Variants in TUB observed in about 807,000 individuals in gnomAD.
TUB encodes TUB bipartite transcription factor.
In TUB, 33 loss-of-function variants were observed where a neutral mutation model predicts 59.7. That is an observed-to-expected ratio of 0.55 (90% CI 0.42 to 0.74). The LOEUF (loss-of-function observed/expected upper bound fraction) is 0.74. Among genes scored for constraint, TUB ranks in the 30% least tolerant of loss-of-function variants. The pLI is 0.00. For missense variants in TUB, 659 were observed against 672.0 expected, an observed-to-expected ratio of 0.98 and a Z score of 0.21; for synonymous variants, 293 against 256.4, an observed-to-expected ratio of 1.14 and a Z score of -1.36.
chr11:8,037,042 G>A (rs1256163265), upstream of TUB, among the ~76,000 whole-genome samples: 3 of 152,114 alleles, frequency 2.0e-5, no homozygotes, highest in Non-Finnish European at 4.4e-5. Flanking sequence ...CTGACTGGAG[G>A]GTCTCATTCC....
upstream of TUB, among the ~76,000 whole-genome samples, chr11:8,036,617 T>A (rs1456417688): frequency 1.3e-5 from 2 of 152,162 alleles, no homozygotes; most frequent in Non-Finnish European, 2.9e-5. Flanking sequence ...GAGGGACCGC[T>A]CTGGGAAGAG....
chr11:8,101,696 A>G lies in TUB; in HGVS notation c.*77A>G, dbSNP rs889410888. 80 of 1,563,576 alleles carry G rather than the reference A, an allele frequency of 5.1e-5. No homozygotes were observed. The Middle Eastern group carries it at 1.2e-3, about 23-fold the overall frequency. On this transcript the variant is annotated 3_prime_UTR_variant, in exon 12 of 12. Transcript: ENST00000299506. ...CCTGCCTGTGGAGACAGCCCTGCCT[A>G]TCCTCTGTATATAGGCCTTCCGCCA...
At chr11:8,092,083 T>C (rs1943794012) in intron 3 of TUB, among the ~76,000 whole-genome samples, 1 of 152,244 alleles carries the variant, frequency 6.6e-6, no homozygotes, top group South Asian at 2.1e-4. Flanking sequence ...GTGTTCCAGA[T>C]GATGTCAGGA....
At chr11:8,043,068 C>T (rs918309233) in intron 2 of TUB, among the ~76,000 whole-genome samples, 1 of 151,994 alleles carries the variant, frequency 6.6e-6, no homozygotes, top group Non-Finnish European at 1.5e-5. Flanking sequence ...AGTTTTGGCT[C>T]TTTCATTTAG....
intron 2 of TUB, among the ~76,000 whole-genome samples, chr11:8,043,257 C>T (rs902710888): frequency 9.2e-5 from 14 of 152,130 alleles, no homozygotes; most frequent in African/African-American, 3.1e-4. Context: ...AAGTTTATTT[C>T]TGGGCTCTCA....
chr11:8,073,929 A>G (rs1357072127), intron 2 of TUB, among the ~76,000 whole-genome samples: 2 of 146,864 alleles, frequency 1.4e-5, no homozygotes, highest in African/African-American at 5.1e-5. Context: ...GTTCAGCATC[A>G]TCCTTCCTGC....
intron 2 of TUB, among the ~76,000 whole-genome samples, chr11:8,047,118 G>A (rs1942847203): frequency 6.6e-6 from 1 of 152,052 alleles, no homozygotes; most frequent in African/African-American, 2.4e-5. Context: ...ATATTCTCCA[G>A]CATCGTCTCC....
At chr11:8,087,132 A>C (rs1004293335) in intron 1 of TUB, among the ~76,000 whole-genome samples, 1 of 152,216 alleles carries the variant, frequency 6.6e-6, no homozygotes, top group Non-Finnish European at 1.5e-5. Context: ...TGAGAGCATT[A>C]AAAGGCACTG....
upstream of TUB, among the ~76,000 whole-genome samples, chr11:8,080,411 C>T (rs1943526501): frequency 6.7e-6 from 1 of 148,956 alleles, no homozygotes; most frequent in Admixed American, 6.6e-5. Context: ...CTAGTCACAG[C>T]CAGGACCTCC....
chr11:8,055,273 G>A (rs1943001933), intron 2 of TUB, among the ~76,000 whole-genome samples: 1 of 152,166 alleles, frequency 6.6e-6, no homozygotes, highest in Non-Finnish European at 1.5e-5. Flanking sequence ...TAGTGAGTGA[G>A]CTTTCTGAAG....
intron 1 of TUB, among the ~76,000 whole-genome samples, chr11:8,087,902 C>T (rs1031695472): frequency 5.3e-5 from 8 of 152,218 alleles, no homozygotes; most frequent in African/African-American, 1.9e-4. Flanking sequence ...ATGGGATGCC[C>T]AGCCTCTCAG....
intron 2 of TUB, among the ~76,000 whole-genome samples, chr11:8,050,452 G>C (rs1440221519): frequency 6.6e-6 from 1 of 152,142 alleles, no homozygotes. Context: ...ATGAATCCCA[G>C]CTGTCCCATA....
Position 8,101,758 on chromosome 11 carries a change from GC to G in TUB, c.*141del, listed in dbSNP as rs1365524265. 1.1e-5 allele frequency: 16 copies of G among 1,418,314 alleles called. No individual in the cohort carries two copies. Among genetic ancestry groups the G allele is most frequent in the Non-Finnish European group, 1.5e-5 (16 of 1,078,626 alleles). The allele number at this position is 1,418,314 out of a possible 1,614,324, so 87.9% of individuals were successfully genotyped here. A position where few individuals can be genotyped will look rare whatever the true frequency, so the allele number is the denominator to read the frequency against. On this transcript the variant is annotated 3_prime_UTR_variant, in exon 12 of 12. Coordinates refer to ENST00000299506, the MANE Select transcript of TUB (RefSeq NM_177972.3). Reference sequence around the variant, plus strand: ...GGCCCTCAGTGGGCTCCCTGGCCCAGCCAGCCAGGAACTGGCTCCTTTGCCT... The same window carrying G: ...GGCCCTCAGTGGGCTCCCTGGCCCAGCAGCCAGGAACTGGCTCCTTTGCCT...
rs1445975915 is a variant in TUB, at chr11:8,105,899, T to C, written c.*4280T>C. The stretch of plus-strand genomic sequence containing the variant: ...GATGGCTAGGAAAGGGAAGCCTGAC[T>C]GCTCGGTCAGGAGGGTGCAGTATCT... On this transcript the variant is annotated 3_prime_UTR_variant, in exon 12 of 12. Transcript: ENST00000299506. The C allele has an allele frequency of 2.6e-5, 4 of 152,106 alleles. No homozygotes were observed. The highest frequency in any genetic ancestry group is 1.5e-5 in the Non-Finnish European group (1 of 67,962). 9.4% of individuals were successfully genotyped at this position (152,106 alleles called of 1,614,324 possible).
At chr11:8,093,508 T>A (rs1002109256) in intron 3 of TUB, among the ~76,000 whole-genome samples, 4 of 152,178 alleles carry the variant, frequency 2.6e-5, no homozygotes, top group Admixed American at 2.0e-4. Context: ...GCTGGGACCC[T>A]TCTGAGACCT....
chr11:8,101,006 TTC>T lies in TUB; in HGVS notation c.1387+11_1387+12del. On this transcript the variant is annotated intron_variant, in intron 11 of 11. Transcript: ENST00000299506. ...CATCCATGGCAATGACCGTGAGTGT[TTC>T]TGTCCCTACTCATTATGGTCCGTAG... 2 of 1,614,118 alleles carry T rather than the reference TTC, an allele frequency of 1.2e-6. No homozygotes were observed. Among genetic ancestry groups the T allele is most frequent in the South Asian group, 2.2e-5 (2 of 91,078 alleles).
intron 1 of TUB, among the ~76,000 whole-genome samples, chr11:8,026,488 G>T (rs1309371706): frequency 6.7e-6 from 1 of 150,322 alleles, no homozygotes; most frequent in Non-Finnish European, 1.5e-5. Flanking sequence ...AAAAAAATGG[G>T]TATCTAATTG....
Position 8,104,234 on chromosome 11 carries a change from T to C in TUB, c.*2615T>C, listed in dbSNP as rs535385898. On this transcript the variant is annotated 3_prime_UTR_variant, in exon 12 of 12. Coordinates refer to ENST00000299506, the MANE Select transcript of TUB (RefSeq NM_177972.3). ...AGGGAATTAATGACAGAATGAGCAGTCCCTAATGGTATTGGGCAGTTGGGA... is the reference window on the plus strand; with the variant it reads ...AGGGAATTAATGACAGAATGAGCAGCCCCTAATGGTATTGGGCAGTTGGGA... The C allele has an allele frequency of 3.9e-5, 6 of 152,358 alleles. 1 individual carries two copies. Among genetic ancestry groups the C allele is most frequent in the Middle Eastern group, 3.4e-3 (1 of 294 alleles). 9.4% of individuals were successfully genotyped at this position (152,358 alleles called of 1,614,324 possible).
At chr11:8,028,340 T>A (rs1942528321) in intron 1 of TUB, among the ~76,000 whole-genome samples, 1 of 152,232 alleles carries the variant, frequency 6.6e-6, no homozygotes, top group Non-Finnish European at 1.5e-5. Context: ...TTTTCAATAT[T>A]AAATTCTTCT....
Sources: gnomAD v4.1 joint callset for allele counts (sites outside exome capture counted in the v4.1 genomes callset) on GRCh38, gnomAD v4.1.1 for gene constraint, MANE v1.5 for transcripts, NCBI Gene and HGNC (gene_info 2026-07-23, HGNC 2026-07-21) for gene names.